SLC23A2: variants seen among roughly 807,000 people sequenced by gnomAD.
SLC23A2 encodes Na(+)/L-ascorbic acid transporter 2.
In SLC23A2, 36 loss-of-function variants were observed where a neutral mutation model predicts 73.3. That is an observed-to-expected ratio of 0.49 (90% CI 0.38 to 0.65). The LOEUF (loss-of-function observed/expected upper bound fraction) is 0.65, where lower values mean the gene tolerates loss of function less well. SLC23A2 is among the 30% of genes least tolerant of loss of function. The probability of loss-of-function intolerance (pLI) is 0.00; values close to 1 mark genes in which losing one functional copy is unlikely to be tolerated. For missense variants in SLC23A2, 507 were observed against 841.6 expected (o/e 0.60, Z 4.92); for synonymous variants, 343 against 327.3 (o/e 1.05, Z -0.52).
chr20:4,961,428 C>G (rs914054279), intron 2 of SLC23A2, among the ~76,000 whole-genome samples: 1 of 152,258 alleles, frequency 6.6e-6, no homozygotes, highest in South Asian at 2.1e-4. Flanking sequence ...TCTTTATCTC[C>G]AATCCCCCAG....
intron 4 of SLC23A2, among the ~76,000 whole-genome samples, chr20:4,907,867 TA>T (rs1932012024): frequency 6.6e-6 from 1 of 152,060 alleles, no homozygotes; most frequent in Admixed American, 6.6e-5. Context: ...AGGAAGGCCT[TA>T]AAATTCAAAC....
chr20:4,935,574 G>A (rs1357163544), intron 2 of SLC23A2, among the ~76,000 whole-genome samples: 2 of 152,010 alleles, frequency 1.3e-5, no homozygotes, highest in Non-Finnish European at 2.9e-5. Context: ...CAAGGCAGGC[G>A]GATCACGAGG....
upstream of SLC23A2, among the ~76,000 whole-genome samples, chr20:5,004,850 T>C (rs1686223198): frequency 6.6e-6 from 1 of 151,798 alleles, no homozygotes; most frequent in Non-Finnish European, 1.5e-5. Context: ...AAATACAAAA[T>C]TAGCCGAGCA....
At chr20:4,874,761 G>A (rs41282102) in intron 9 of SLC23A2, 65 bp from the exon 10 acceptor site, 591 of 1,388,712 alleles carry the variant, frequency 4.3e-4, no homozygotes, top group Non-Finnish European at 5.4e-4. Flanking sequence ...AATAACACTC[G>A]AAGCTTCTAT....
intron 3 of SLC23A2, among the ~76,000 whole-genome samples, chr20:4,920,938 C>T (rs545063524): frequency 9.9e-5 from 15 of 152,110 alleles, no homozygotes; most frequent in African/African-American, 2.9e-4. Context: ...AGTATTACTC[C>T]GCAGGAATAA....
chr20:4,903,024 T>C (rs1931809443), intron 4 of SLC23A2, among the ~76,000 whole-genome samples: 1 of 152,166 alleles, frequency 6.6e-6, no homozygotes, highest in African/African-American at 2.4e-5. Context: ...AAAGGATCTT[T>C]GTACTTTAAA....
In SLC23A2 at chr20:4,902,520, C is replaced by A. The variant is rs753736492; in HGVS notation, c.246G>T (p.Leu82=). Residue 82 remains leucine (L), a synonymous_variant, in exon 5 of 17, where the codon CTG becomes CTT. Transcript: ENST00000338244. The surrounding 1 kb of genome is among the most constrained non-coding windows in gnomAD (Gnocchi z 4.0). ...LAETLDSTGS[L]DPQRSDMIYT... ...AAATCATGTCTGATCGCTGGGGGTC[C>A]AGACTGCCAGTGCTATCCAGGGTCT... The A allele has an allele frequency of 1.1e-5, 18 of 1,612,578 alleles. No homozygotes were observed. Among genetic ancestry groups the A allele is most frequent in the Non-Finnish European group, 1.5e-5 (18 of 1,179,052 alleles).
At chr20:5,003,667 T>C (rs2088159316), upstream of SLC23A2, among the ~76,000 whole-genome samples, 1 of 151,834 alleles carries the variant, frequency 6.6e-6, no homozygotes, top group Admixed American at 6.6e-5. Context: ...ATCTTCAGTG[T>C]CTCCCTCTCC....
intron 2 of SLC23A2, among the ~76,000 whole-genome samples, chr20:4,966,388 A>G (rs6076759): frequency 0.066 from 10,027 of 152,206 alleles, 474 homozygotes; most frequent in Non-Finnish European, 0.1. Flanking sequence ...AAGTAAAGCT[A>G]TGTGGGGTTT....
At chr20:4,905,256 T>C (rs1485759091) in intron 4 of SLC23A2, among the ~76,000 whole-genome samples, 5 of 151,938 alleles carry the variant, frequency 3.3e-5, no homozygotes, top group African/African-American at 4.8e-5. Flanking sequence ...ACAAAACTAG[T>C]GTAAAGGTCC....
intron 1 of SLC23A2, among the ~76,000 whole-genome samples, chr20:4,986,835 G>GC (rs1480832779): frequency 3.3e-5 from 5 of 151,854 alleles, no homozygotes; most frequent in Non-Finnish European, 5.9e-5. Context: ...AAAAGCTGAA[G>GC]TCACTTTAAA....
rs1038396826 is a variant in SLC23A2 at position 4,926,531 on chromosome 20, T to C, written c.108+5924A>G. On this transcript the variant is annotated intron_variant, in intron 3 of 16. Coordinates refer to ENST00000338244, the MANE Select transcript of SLC23A2 (RefSeq NM_005116.6). ...TTTGCTTTTTTTTTTTTTTTTTTTT[T>C]CCTGATTCCTGTTTCTTGCCATGGG... Among the ~76,000 whole-genome samples, 12 of 136,074 alleles carry C rather than the reference T, an allele frequency of 8.8e-5. No individual in the cohort carries two copies. In the East Asian group the frequency reaches 9.8e-4, roughly 11 times the overall value. 89.3% of individuals were successfully genotyped at this position (136,074 alleles called of 152,430 possible).
Position 4,862,674 on chromosome 20 carries a change from G to C in SLC23A2, c.1486+104C>G. 9.4e-7 allele frequency: 1 copy of C among 1,060,190 alleles called. No homozygotes were observed. The highest frequency in any genetic ancestry group is 1.4e-6 in the Non-Finnish European group (1 of 733,612). 65.7% of individuals were successfully genotyped at this position (1,060,190 alleles called of 1,614,324 possible). A position where few individuals can be genotyped will look rare whatever the true frequency, so the allele number is the denominator to read the frequency against. ...GGCATATCCTTTGTATTTTAAAATA[G>C]AAATTTATCGTTACCTTCTTACTGA... On this transcript the variant is annotated intron_variant, in intron 14 of 16. Transcript: ENST00000338244. This position sits in a 1 kb window ranked among gnomAD's most constrained non-coding sequence, Gnocchi z 5.1.
At chr20:4,921,341 C>T in intron 3 of SLC23A2, among the ~76,000 whole-genome samples, 1 of 152,148 alleles carries the variant, frequency 6.6e-6, no homozygotes, top group Middle Eastern at 3.2e-3. Flanking sequence ...CCTGTAATCT[C>T]AGCACTTTGG....
rs1930015824 is a variant in SLC23A2 at position 4,862,653 on chromosome 20, T to A, written c.1486+125A>T. 2.3e-6 allele frequency: 2 copies of A among 851,194 alleles called. No individual in the cohort carries two copies. Among genetic ancestry groups the A allele is most frequent in the Non-Finnish European group, 3.6e-6 (2 of 549,890 alleles). 52.7% of individuals were successfully genotyped at this position (851,194 alleles called of 1,614,324 possible). On this transcript the variant is annotated intron_variant, in intron 14 of 16. Coordinates refer to ENST00000338244, the MANE Select transcript of SLC23A2 (RefSeq NM_005116.6). The surrounding 1 kb of genome is among the most constrained non-coding windows in gnomAD (Gnocchi z 5.1). ...TAAAAGTTTTCATTTTTTGAAGGCA[T>A]ATCCTTTGTATTTTAAAATAGAAAT...
At chr20:4,904,495 C>T in intron 4 of SLC23A2, among the ~76,000 whole-genome samples, 1 of 151,490 alleles carries the variant, frequency 6.6e-6, no homozygotes, top group Non-Finnish European at 1.5e-5. Context: ...GTGAGTAAAA[C>T]AGCTCTGCTG....
chr20:4,989,816 G>A (rs966960004), intron 1 of SLC23A2, among the ~76,000 whole-genome samples: 7 of 152,114 alleles, frequency 4.6e-5, no homozygotes, highest in Non-Finnish European at 8.8e-5. Flanking sequence ...TGCTCAATGT[G>A]TATTATGATT....
intron 1 of SLC23A2, among the ~76,000 whole-genome samples, chr20:5,001,134 G>C (rs1265724456): frequency 1.3e-5 from 2 of 151,858 alleles, no homozygotes; most frequent in African/African-American, 2.4e-5. Context: ...GGCGGGAAGG[G>C]GTGGGTACCC....
upstream of SLC23A2, among the ~76,000 whole-genome samples, chr20:5,005,725 C>T (rs187762057): frequency 3.9e-3 from 593 of 152,272 alleles, 4 homozygotes; most frequent in African/African-American, 0.013. Flanking sequence ...CCGTGGCTCA[C>T]GCTTGTAATC....
Sources: allele counts gnomAD v4.1 joint callset (sites outside exome capture counted in the v4.1 genomes callset), GRCh38; gene constraint gnomAD v4.1.1; non-coding constraint Gnocchi (gnomAD v3.1); transcripts MANE v1.5; gene names NCBI Gene and HGNC (gene_info 2026-07-23, HGNC 2026-07-21).